CMIP: variants seen among roughly 807,000 people sequenced by gnomAD.
CMIP encodes the protein c-Maf inducing protein.
A neutral mutation model predicts 97.3 loss-of-function variants in CMIP; 13 were observed. That is an observed-to-expected ratio of 0.13 (90% confidence interval 0.09 to 0.21). The LOEUF (loss-of-function observed/expected upper bound fraction) is 0.21. Among genes scored for constraint, CMIP ranks in the 10% least tolerant of loss-of-function variants. CMIP has a pLI of 1.00. For synonymous variants in CMIP, 538 were observed against 436.3 expected (o/e 1.23, Z -2.91); for missense variants, 847 against 1,024.9 (o/e 0.83, Z 2.37).
intron 1 of CMIP, among the ~76,000 whole-genome samples, chr16:81,500,104 C>T (rs1341349866): frequency 1.3e-5 from 2 of 152,238 alleles, no homozygotes; most frequent in East Asian, 3.8e-4. Flanking sequence ...TTCCCTCCCT[C>T]ACTCTGTGTC....
chr16:81,602,440 T>C lies in CMIP; in HGVS notation c.301-5127T>C, dbSNP rs181776322. On this transcript the variant is annotated intron_variant, in intron 1 of 20. Transcript: ENST00000537098. ...TCACGCATTGCCTTTTTCAGTCAGG[T>C]TTGCGTTGTAATTTACATACAGTAA... Among the ~76,000 whole-genome samples, 192 of 152,376 alleles carry C rather than the reference T, an allele frequency of 1.3e-3. 1 individual carries two copies. Among genetic ancestry groups the C allele is most frequent in the African/African-American group, 4.5e-3 (188 of 41,586 alleles).
intron 1 of CMIP, among the ~76,000 whole-genome samples, chr16:81,521,593 G>A (rs1448383012): frequency 2.0e-5 from 3 of 152,178 alleles, no homozygotes; most frequent in Non-Finnish European, 4.4e-5. Context: ...TTCACACTCT[G>A]AACCTAGCAG....
At chr16:81,606,460 CTGG>C (rs2091745402) in intron 1 of CMIP, among the ~76,000 whole-genome samples, 1 of 152,180 alleles carries the variant, frequency 6.6e-6, no homozygotes, top group Non-Finnish European at 1.5e-5. Flanking sequence ...GCTTTGGCTC[CTGG>C]TGGCCATTGT....
At chr16:81,510,586 C>T (rs944084632) in intron 1 of CMIP, among the ~76,000 whole-genome samples, 6 of 152,216 alleles carry the variant, frequency 3.9e-5, no homozygotes, top group Middle Eastern at 3.4e-3. Flanking sequence ...CCTGGAGGTG[C>T]GATTCCAGGT....
chr16:81,477,372 G>T (rs1356803970), intron 1 of CMIP, among the ~76,000 whole-genome samples: 1 of 152,174 alleles, frequency 6.6e-6, no homozygotes, highest in Non-Finnish European at 1.5e-5. Context: ...TGTTGGCCAG[G>T]CTCGTCTCGA....
intron 1 of CMIP, chr16:81,464,087 C>T (rs979375849): frequency 3.3e-5 from 5 of 152,304 alleles, no homozygotes; most frequent in African/African-American, 9.6e-5. Flanking sequence ...CTCCATCCAC[C>T]TCACCTTTGT....
intron 2 of CMIP, chr16:81,610,568 T>C: frequency 1.0e-6 from 1 of 982,014 alleles, no homozygotes; most frequent in Non-Finnish European, 1.2e-6. Flanking sequence ...CCCTGGCGGC[T>C]GTGGTTCTCT....
intron 1 of CMIP, among the ~76,000 whole-genome samples, chr16:81,502,362 T>C (rs923847846): frequency 4.6e-5 from 7 of 152,140 alleles, no homozygotes; most frequent in Admixed American, 2.0e-4. Context: ...ATGGTCAACT[T>C]ATGTATTGAG....
chr16:81,680,830 G>A (rs1597241791), intron 10 of CMIP, among the ~76,000 whole-genome samples: 1 of 152,216 alleles, frequency 6.6e-6, no homozygotes, highest in Non-Finnish European at 1.5e-5. Flanking sequence ...CAACTCCCCA[G>A]TTCCAGCTGG....
chr16:81,655,797 C>T lies in CMIP; in HGVS notation c.640-1978C>T, dbSNP rs1180536672. ...CGGGTTCATATCCTCACTGCAGCCC[C>T]TATTACCCTGCGCCTGCTAGTCACT... On this transcript the variant is annotated intron_variant, in intron 4 of 20. Transcript: ENST00000537098. This position sits in a 1 kb window ranked among gnomAD's most constrained non-coding sequence, Gnocchi z 4.9. Among the ~76,000 whole-genome samples, 1 of 152,176 alleles carries T rather than the reference C, an allele frequency of 6.6e-6. No homozygotes were observed. The highest frequency in any genetic ancestry group is 2.4e-5 in the African/African-American group (1 of 41,438).
intron 1 of CMIP, among the ~76,000 whole-genome samples, chr16:81,596,308 C>G (rs1034224957): frequency 1.7e-4 from 26 of 152,060 alleles, no homozygotes; most frequent in Admixed American, 6.5e-4. Context: ...GAGTTCAAGA[C>G]CAGCCTGGCC....
Position 81,640,491 on chromosome 16 carries a change from G to C in CMIP, c.478-11712G>C, listed in dbSNP as rs117341788. Among the ~76,000 whole-genome samples the C allele has an allele frequency of 3.5e-3, 535 of 152,312 alleles. 1 individual carries two copies. Among genetic ancestry groups the C allele is most frequent in the Non-Finnish European group, 5.4e-3 (367 of 68,026 alleles). On this transcript the variant is annotated intron_variant, in intron 3 of 20. Transcript: ENST00000537098. ...CAGTCCTTGCTTGCTCCTTACAGCTGTCTGGGCTTCCAACAGCTGCTATGA... is the reference window on the plus strand; with the variant it reads ...CAGTCCTTGCTTGCTCCTTACAGCTCTCTGGGCTTCCAACAGCTGCTATGA...
chr16:81,669,816 C>G (rs2092664405), intron 7 of CMIP, among the ~76,000 whole-genome samples: 1 of 152,198 alleles, frequency 6.6e-6, no homozygotes, highest in Non-Finnish European at 1.5e-5. Context: ...CGGAAGCACC[C>G]TCTCTTGTCC....
intron 1 of CMIP, among the ~76,000 whole-genome samples, chr16:81,586,247 G>C (rs535650623): frequency 1.9e-4 from 29 of 152,286 alleles, no homozygotes; most frequent in African/African-American, 6.5e-4. Flanking sequence ...TGATGGGATA[G>C]TGAAATGGAC....
chr16:81,608,334 A>G (rs2091777521), intron 2 of CMIP, among the ~76,000 whole-genome samples: 1 of 152,122 alleles, frequency 6.6e-6, no homozygotes, highest in Non-Finnish European at 1.5e-5. Context: ...GGGTCAGATG[A>G]CATCATTAAT....
chr16:81,540,372 G>A (rs1464386439), intron 1 of CMIP, among the ~76,000 whole-genome samples: 1 of 152,140 alleles, frequency 6.6e-6, no homozygotes, highest in Non-Finnish European at 1.5e-5. Flanking sequence ...GCACAATCAC[G>A]GCTCACTGCA....
At chr16:81,612,711 A>G (rs1008894302) in intron 2 of CMIP, among the ~76,000 whole-genome samples, 2 of 152,188 alleles carry the variant, frequency 1.3e-5, no homozygotes, top group African/African-American at 4.8e-5. Context: ...CAGCATTCCA[A>G]AGATTTAACA....
intron 8 of CMIP, among the ~76,000 whole-genome samples, chr16:81,671,149 A>G (rs1174926427): frequency 6.6e-6 from 1 of 152,138 alleles, no homozygotes; most frequent in Non-Finnish European, 1.5e-5. Context: ...TTTTAAGAAA[A>G]TCACAGTAAC....
At chr16:81,609,067 C>G (rs1235342164) in intron 2 of CMIP, among the ~76,000 whole-genome samples, 1 of 152,194 alleles carries the variant, frequency 6.6e-6, no homozygotes, top group African/African-American at 2.4e-5. Flanking sequence ...TGTCATCTCT[C>G]AGAGGACTCT....
Sources: allele counts gnomAD v4.1 joint callset (sites outside exome capture counted in the v4.1 genomes callset), GRCh38; gene constraint gnomAD v4.1.1; non-coding constraint Gnocchi (gnomAD v3.1); transcripts MANE v1.5; gene names NCBI Gene and HGNC (gene_info 2026-07-23, HGNC 2026-07-21).